The following EPB41L1 variants were observed in gnomAD, a reference collection of about 807,000 sequenced individuals.
EPB41L1 encodes the protein erythrocyte membrane protein band 4.1 like 1.
EPB41L1 carries 29 observed loss-of-function variants against 97.8 expected under a neutral mutation model. The ratio of observed to expected loss-of-function variants is 0.30; its 90% confidence interval spans 0.22 to 0.40. The LOEUF (loss-of-function observed/expected upper bound fraction) is 0.40. Ranked by LOEUF, EPB41L1 falls within the 10% of genes least tolerant of loss-of-function variation. The probability of loss-of-function intolerance (pLI) is 1.00; values close to 1 mark genes in which losing one functional copy is unlikely to be tolerated. For missense variants in EPB41L1, 812 were observed against 1,162.3 expected (o/e 0.70, Z 4.38); for synonymous variants, 383 against 459.2 (o/e 0.83, Z 2.12).
intron 2 of EPB41L1, among the ~76,000 whole-genome samples, chr20:36,124,499 AT>A (rs2058883984): frequency 6.6e-6 from 1 of 151,966 alleles, no homozygotes; most frequent in Admixed American, 6.6e-5. Flanking sequence ...CATTTAGCAA[AT>A]TTATTCCAGT....
At chr20:36,118,477 A>C (rs987735297) in intron 2 of EPB41L1, among the ~76,000 whole-genome samples, 6 of 152,204 alleles carry the variant, frequency 3.9e-5, no homozygotes, top group African/African-American at 1.4e-4. Flanking sequence ...ACCTGGGCCA[A>C]ACCAGAACCA....
In EPB41L1 at chr20:36,209,985, C is replaced by G; in HGVS notation, c.2079+87C>G. ...GCCACCCGTGAGAAGACCGAGCACC[C>G]AGCCTGCAGCCTGAAGCTCTGTCTC... On this transcript the variant is annotated intron_variant, in intron 15 of 21. Coordinates refer to ENST00000338074, the MANE Select transcript of EPB41L1 (RefSeq NM_012156.2). The surrounding 1 kb of genome is among the most constrained non-coding windows in gnomAD (Gnocchi z 4.2). 1 of 1,479,892 alleles carries G rather than the reference C, an allele frequency of 6.8e-7. No individual in the cohort carries two copies. Among genetic ancestry groups the G allele is most frequent in the Admixed American group, 2.0e-5 (1 of 50,536 alleles). The allele number at this position is 1,479,892 out of a possible 1,614,324, so 91.7% of individuals were successfully genotyped here. A position where few individuals can be genotyped will look rare whatever the true frequency, so the allele number is the denominator to read the frequency against.
Position 36,230,053 on chromosome 20 carries a change from G to A in EPB41L1, c.*713G>A, listed in dbSNP as rs544662043. ...ATGTCTTGCTGTCATTTTCTGTCTC[G>A]GCTCCCTCCTCCCCCTTCCCCCTTC... is the stretch of plus-strand genomic sequence containing the variant. On this transcript the variant is annotated 3_prime_UTR_variant, in exon 22 of 22. Coordinates refer to ENST00000338074, the MANE Select transcript of EPB41L1 (RefSeq NM_012156.2). 2.8e-3 allele frequency: 426 copies of A among 151,954 alleles called. 4 individuals are homozygous for A. Among genetic ancestry groups the A allele is most frequent in the Non-Finnish European group, 4.5e-3 (308 of 67,960 alleles). The allele number at this position is 151,954 out of a possible 1,614,324, so 9.4% of individuals were successfully genotyped here. A position where few individuals can be genotyped will look rare whatever the true frequency, so the allele number is the denominator to read the frequency against.
upstream of EPB41L1, among the ~76,000 whole-genome samples, chr20:36,153,728 T>C (rs2060154427): frequency 6.6e-6 from 1 of 152,196 alleles, no homozygotes; most frequent in South Asian, 2.1e-4. Context: ...CCAAGGGTAC[T>C]TGCTGAGCCA....
At chr20:36,136,177 C>T (rs978893496) in intron 2 of EPB41L1, among the ~76,000 whole-genome samples, 3 of 151,794 alleles carry the variant, frequency 2.0e-5, no homozygotes, top group South Asian at 2.1e-4. Context: ...CCACCCTGAC[C>T]ACTTGTTTTT....
In EPB41L1 at chr20:36,212,930, C is replaced by G. The variant is rs924630314; in HGVS notation, c.2184+554C>G. Among the ~76,000 whole-genome samples the G allele has an allele frequency of 6.6e-6, 1 of 152,188 alleles. No individual in the cohort carries two copies. Among genetic ancestry groups the G allele is most frequent in the Admixed American group, 6.5e-5 (1 of 15,284 alleles). On this transcript the variant is annotated intron_variant, in intron 16 of 21. Coordinates refer to ENST00000338074, the MANE Select transcript of EPB41L1 (RefSeq NM_012156.2). This position sits in a 1 kb window ranked among gnomAD's most constrained non-coding sequence, Gnocchi z 4.8. Reference sequence around the variant, plus strand: ...AGCATCCTGACCACCTGGAGAAAGCCGTCAGGCATAGGCACAGGCCCACGA... The same window carrying G: ...AGCATCCTGACCACCTGGAGAAAGCGGTCAGGCATAGGCACAGGCCCACGA...
chr20:36,106,561 G>A (rs1273275854), intron 1 of EPB41L1, among the ~76,000 whole-genome samples: 1 of 152,220 alleles, frequency 6.6e-6, no homozygotes, highest in Admixed American at 6.5e-5. Context: ...AGATCCCATT[G>A]TCACCATCAC....
chr20:36,171,517 C>T (rs1016630161), intron 1 of EPB41L1, among the ~76,000 whole-genome samples: 2 of 152,266 alleles, frequency 1.3e-5, no homozygotes, highest in South Asian at 2.1e-4. Context: ...GCATCAGTAA[C>T]AACAAACCCT....
intron 21 of EPB41L1, among the ~76,000 whole-genome samples, chr20:36,229,022 C>T (rs1015266485): frequency 6.6e-6 from 1 of 152,090 alleles, no homozygotes; most frequent in Non-Finnish European, 1.5e-5. Context: ...CGGTTCTCTG[C>T]TGCCACACAC....
intron 2 of EPB41L1, among the ~76,000 whole-genome samples, chr20:36,132,699 G>A (rs1190506460): frequency 6.6e-6 from 1 of 151,758 alleles, no homozygotes; most frequent in Non-Finnish European, 1.5e-5. Flanking sequence ...TGGGGGTCCA[G>A]GCCTGATATG....
chr20:36,169,221 C>CA (rs1351633399), intron 1 of EPB41L1, among the ~76,000 whole-genome samples: 2,134 of 73,230 alleles, frequency 0.029, 44 homozygotes, highest in African/African-American at 0.082. Context: ...GACTCTGTCT[C>CA]AAAAAAAAAA....
intron 11 of EPB41L1, among the ~76,000 whole-genome samples, chr20:36,191,018 T>A (rs2061924127): frequency 6.6e-6 from 1 of 152,168 alleles, no homozygotes; most frequent in Non-Finnish European, 1.5e-5. Context: ...ACTACCACTC[T>A]CTGGATTCCC....
At chr20:36,105,422 G>A (rs1219344562) in intron 1 of EPB41L1, among the ~76,000 whole-genome samples, 1 of 152,126 alleles carries the variant, frequency 6.6e-6, no homozygotes, top group Non-Finnish European at 1.5e-5. Flanking sequence ...TCAGCCCAGG[G>A]CAAGTCATCT....
chr20:36,200,199 C>G (rs1258674112), intron 14 of EPB41L1, among the ~76,000 whole-genome samples: 6 of 152,144 alleles, frequency 3.9e-5, no homozygotes, highest in Admixed American at 3.3e-4. Context: ...CCTAGTCCAC[C>G]TACAGGAGGA....
chr20:36,146,902 T>A (rs1461542029), intron 2 of EPB41L1, among the ~76,000 whole-genome samples: 1 of 150,610 alleles, frequency 6.6e-6, no homozygotes, highest in Non-Finnish European at 1.5e-5. Flanking sequence ...ATCCCAGCAC[T>A]GTGGGAGGCC....
intron 5 of EPB41L1, among the ~76,000 whole-genome samples, chr20:36,181,501 A>G (rs189190503): frequency 1.1e-4 from 16 of 152,206 alleles, no homozygotes; most frequent in Admixed American, 9.8e-4. Flanking sequence ...TTAGCCCATT[A>G]TATTTACCTT....
intron 17 of EPB41L1, among the ~76,000 whole-genome samples, chr20:36,218,171 C>G (rs184778865): frequency 1.3e-5 from 2 of 152,164 alleles, no homozygotes; most frequent in African/African-American, 2.4e-5. Context: ...AGTTAAGTTC[C>G]AGCTCTACCA....
rs754700407 is a variant in EPB41L1 at position 36,232,514 on chromosome 20, A to G, written c.*3174A>G. On this transcript the variant is annotated 3_prime_UTR_variant, in exon 22 of 22. Coordinates refer to ENST00000338074, the MANE Select transcript of EPB41L1 (RefSeq NM_012156.2). ...ATTTTGTTTTCTCTGGATCTTTTCCATCTGAGGGTACAGGAAGTACCAGGA... is the reference window on the plus strand; with the variant it reads ...ATTTTGTTTTCTCTGGATCTTTTCCGTCTGAGGGTACAGGAAGTACCAGGA... 2.5e-6 allele frequency: 1 copy of G among 398,320 alleles called. No individual in the cohort carries two copies. The highest frequency in any genetic ancestry group is 4.4e-5 in the Admixed American group (1 of 22,712). 24.7% of individuals were successfully genotyped at this position (398,320 alleles called of 1,614,324 possible).
At chr20:36,175,291 C>T (rs2061179546) in intron 2 of EPB41L1, among the ~76,000 whole-genome samples, 2 of 152,202 alleles carry the variant, frequency 1.3e-5, no homozygotes, top group Admixed American at 6.5e-5. Context: ...GCTCCTGCCT[C>T]AGAGGATGCC....
Sources: allele counts gnomAD v4.1 joint callset (sites outside exome capture counted in the v4.1 genomes callset), GRCh38; gene constraint gnomAD v4.1.1; non-coding constraint Gnocchi (gnomAD v3.1); transcripts MANE v1.5; gene names NCBI Gene and HGNC (gene_info 2026-07-23, HGNC 2026-07-21).